The following NCAPD3 variants were observed in gnomAD, a reference collection of about 807,000 sequenced individuals.
NCAPD3 encodes non-SMC condensin II complex subunit D3, also known as condensin-2 complex subunit D3.
In NCAPD3, 105 loss-of-function variants were observed where a neutral mutation model predicts 182.9. The observed-to-expected ratio is 0.57, with a 90% CI of 0.49 to 0.68. The LOEUF is 0.68. NCAPD3 is among the 30% of genes least tolerant of loss of function. NCAPD3 has a pLI of 0.00. For missense variants in NCAPD3, 1,944 were observed against 1,837.0 expected (o/e 1.06, Z -1.07); for synonymous variants, 815 against 679.9 (o/e 1.20, Z -3.09).
chr11:134,192,675 T>A lies in NCAPD3; in HGVS notation c.2045+14A>T. On this transcript the variant is annotated intron_variant, in intron 16 of 34. Coordinates refer to ENST00000534548, the MANE Select transcript of NCAPD3 (RefSeq NM_015261.3). ...CTTCTTCTATAGGGAACACAGGTCA[T>A]ACAGTTAACCTACCTCAGTTCCTGG... 3 of 1,605,476 alleles carry A rather than the reference T, an allele frequency of 1.9e-6. No individual in the cohort carries two copies. Among genetic ancestry groups the A allele is most frequent in the Non-Finnish European group, 2.6e-6 (3 of 1,172,156 alleles).
Position 134,159,969 on chromosome 11 carries a change from C to A in NCAPD3, c.3790G>T (p.Val1264Phe). 6 of 1,614,132 alleles carry A rather than the reference C, an allele frequency of 3.7e-6. No individual in the cohort carries two copies. The highest frequency in any genetic ancestry group is 4.2e-6 in the Non-Finnish European group (5 of 1,180,040). The part of the protein sequence containing the change: ...YDMKKYQEQL[V>F]QEQELAKHAD... ...TGTTTTGCTAGCTCCTGCTCCTGGA[C>A]CAGCTGTTCCTGGTACTTCTTCATG... Residue 1264 changes from valine (V) to phenylalanine (F), a missense_variant, in exon 29 of 35, where the codon GTC (valine) becomes TTC (phenylalanine). Around this residue, in one of 3 missense-constraint regions of NCAPD3, gnomAD observed 1,803 missense variants for 1,674.6 expected, o/e 1.08. Coordinates refer to ENST00000534548, the MANE Select transcript of NCAPD3 (RefSeq NM_015261.3).
In NCAPD3 at chr11:134,152,427, T is replaced by C. The variant is rs189328848; in HGVS notation, c.*517A>G. 5.2e-5 allele frequency: 8 copies of C among 152,420 alleles called. No individual in the cohort carries two copies. Among genetic ancestry groups the C allele is most frequent in the African/African-American group, 1.7e-4 (7 of 41,592 alleles). 9.4% of individuals were successfully genotyped at this position (152,420 alleles called of 1,614,324 possible). On this transcript the variant is annotated 3_prime_UTR_variant, in exon 35 of 35. Transcript: ENST00000534548. ...CTCTGTTCTAAAAACAGAAAAATCC[T>C]ATTGACTACTGGAAGGCTGTATTTA...
chr11:134,225,211 A>G (rs371039042), upstream of NCAPD3: 1 of 1,614,162 alleles, frequency 6.2e-7, no homozygotes, highest in Admixed American at 1.7e-5. Flanking sequence ...CACAAGACGG[A>G]GGACGGGAAG....
At chr11:134,195,010 T>C (rs1442744950) in intron 13 of NCAPD3, among the ~76,000 whole-genome samples, 1 of 152,250 alleles carries the variant, frequency 6.6e-6, no homozygotes, top group Non-Finnish European at 1.5e-5. Flanking sequence ...TTCCATTTTG[T>C]TTAGCTACAA....
Position 134,157,060 on chromosome 11 carries a change from C to T in NCAPD3, c.4210G>A (p.Glu1404Lys), listed in dbSNP as rs199849895. The stretch of plus-strand genomic sequence containing the variant: ...GCCCGCTTGGTCACGTGCTCAATCT[C>T]GCCATTCGACTCTTGCTCCAAACTG... ...SYSLEQESNG[E>K]IEHVTKRAIS... Residue 1404 changes from glutamate (E) to lysine (K), a missense_variant, in exon 32 of 35, where the codon GAG (glutamate) becomes AAG (lysine). Transcript: ENST00000534548. The T allele has an allele frequency of 2.5e-4, 400 of 1,613,594 alleles. No individual in the cohort carries two copies. Among genetic ancestry groups the T allele is most frequent in the Non-Finnish European group, 3.2e-4 (373 of 1,179,844 alleles).
intron 16 of NCAPD3, among the ~76,000 whole-genome samples, chr11:134,187,361 T>C (rs927690103): frequency 3.3e-5 from 5 of 152,200 alleles, no homozygotes; most frequent in Middle Eastern, 3.2e-3. Flanking sequence ...CCAACCTAAC[T>C]CTGGGTGACC....
At chr11:134,182,821 A>G (rs530388213) in intron 19 of NCAPD3, among the ~76,000 whole-genome samples, 1 of 152,258 alleles carries the variant, frequency 6.6e-6, no homozygotes, top group Admixed American at 6.5e-5. Flanking sequence ...TTACAGAGAA[A>G]AGAAAAGGAG....
At chr11:134,223,244 C>T in intron 1 of NCAPD3, 1 of 584,520 alleles carries the variant, frequency 1.7e-6, no homozygotes. Context: ...CATCAGAAAG[C>T]AGCTAAAATA....
rs781065339 is a variant in NCAPD3, at chr11:134,181,125, G to A, written c.2511C>T (p.Asn837=). 4.3e-6 allele frequency: 7 copies of A among 1,614,046 alleles called. No individual in the cohort carries two copies. Among genetic ancestry groups the A allele is most frequent in the Non-Finnish European group, 5.1e-6 (6 of 1,180,020 alleles). The change falls in exon 20 of 35, where the codon AAC becomes AAT. Residue 837 remains asparagine, a synonymous_variant. Transcript: ENST00000534548. ...VLSTCEHRLS[N]IVLKENGTGN... is the part of the protein sequence containing the mutation. ...CTGTTCCATTCTCCTTGAGAACGAT[G>A]TTGGAGAGGCGGTGCTCGCAGGTGG...
In NCAPD3 at chr11:134,219,730, C is replaced by A. The variant is rs554082733; in HGVS notation, c.219+842G>T. On this transcript the variant is annotated intron_variant, in intron 2 of 34. Transcript: ENST00000534548. ...ATATTTCTATGCATTGGATAGAACTCAATATTTACAGGAACTGTTTGGACA... is the reference window on the plus strand; with the variant it reads ...ATATTTCTATGCATTGGATAGAACTAAATATTTACAGGAACTGTTTGGACA... Among the ~76,000 whole-genome samples the A allele has an allele frequency of 1.4e-3, 209 of 152,118 alleles. 1 individual carries two copies. Among genetic ancestry groups the A allele is most frequent in the Non-Finnish European group, 2.2e-3 (151 of 68,002 alleles).
chr11:134,195,092 T>C (rs1441847073), intron 13 of NCAPD3, among the ~76,000 whole-genome samples: 2 of 152,148 alleles, frequency 1.3e-5, no homozygotes, highest in Non-Finnish European at 2.9e-5. Context: ...CTTTAAAATG[T>C]TTGACTTGAA....
In NCAPD3 at chr11:134,204,748, G is replaced by T; in HGVS notation, c.1089+151C>A. Reference sequence around the variant, plus strand: ...TTTTATAGAACACTTTTGTCTAGGGGACCATCTAGTGAACATTAAATAAAA... The same window carrying T: ...TTTTATAGAACACTTTTGTCTAGGGTACCATCTAGTGAACATTAAATAAAA... On this transcript the variant is annotated intron_variant, in intron 9 of 34. Transcript: ENST00000534548. This position sits in a 1 kb window ranked among gnomAD's most constrained non-coding sequence, Gnocchi z 4.3. 1.8e-6 allele frequency: 1 copy of T among 567,132 alleles called. No homozygotes were observed. Among genetic ancestry groups the T allele is most frequent in the South Asian group, 3.4e-5 (1 of 28,986 alleles). The allele number at this position is 567,132 out of a possible 1,614,324, so 35.1% of individuals were successfully genotyped here. A position where few individuals can be genotyped will look rare whatever the true frequency, so the allele number is the denominator to read the frequency against.
intron 20 of NCAPD3, among the ~76,000 whole-genome samples, chr11:134,179,654 C>T (rs1027874258): frequency 6.6e-6 from 1 of 152,176 alleles, no homozygotes; most frequent in South Asian, 2.1e-4. Context: ...TTTTGAAACA[C>T]ATTTTCAAGT....
At chr11:134,179,978 T>A (rs1944259423) in intron 20 of NCAPD3, among the ~76,000 whole-genome samples, 1 of 151,922 alleles carries the variant, frequency 6.6e-6, no homozygotes, top group East Asian at 1.9e-4. Flanking sequence ...TCTCCATATA[T>A]ATTTTGACTG....
intron 3 of NCAPD3, among the ~76,000 whole-genome samples, chr11:134,215,371 A>T (rs1937977013): frequency 6.6e-6 from 1 of 152,202 alleles, no homozygotes; most frequent in Non-Finnish European, 1.5e-5. Flanking sequence ...ACTAGAAAGA[A>T]AGAAGTAAAC....
At chr11:134,174,382 CAAAAA>C (rs34533048) in intron 24 of NCAPD3, among the ~76,000 whole-genome samples, 1 of 53,634 alleles carries the variant, frequency 1.9e-5, no homozygotes, top group African/African-American at 8.3e-5. Flanking sequence ...GACCCTGTCT[CAAAAA>C]AAAAAAAAAA....
chr11:134,224,980 C>A, upstream of NCAPD3: 1 of 608,800 alleles, frequency 1.6e-6, no homozygotes, highest in Admixed American at 4.8e-5. Flanking sequence ...GCCCACTGCC[C>A]GGCGGCAGCG....
At chr11:134,154,531 C>CAGGTGGTGCAGCCTCGCCCCTCCT (rs1565513623) in intron 32 of NCAPD3, among the ~76,000 whole-genome samples, 2 of 118,822 alleles carry the variant, frequency 1.7e-5, no homozygotes, top group Admixed American at 7.8e-5. Context: ...CTTGGAGGCC[C>CAGGTGGTGCAGCCTCGCCCCTCCT]GGGTGGTGCA....
chr11:134,184,389 T>C (rs978590270), intron 19 of NCAPD3, among the ~76,000 whole-genome samples: 3 of 152,254 alleles, frequency 2.0e-5, no homozygotes, highest in Non-Finnish European at 1.5e-5. Flanking sequence ...AATGCTTACC[T>C]AAAGACACTC....
Sources: allele counts gnomAD v4.1 joint callset (sites outside exome capture counted in the v4.1 genomes callset), GRCh38; gene constraint gnomAD v4.1.1; regional missense constraint gnomAD v4.1.1; non-coding constraint Gnocchi (gnomAD v3.1); transcripts MANE v1.5; gene names NCBI Gene and HGNC (gene_info 2026-07-23, HGNC 2026-07-21).